The following MIB1 variants were observed in gnomAD, a reference collection of about 807,000 sequenced individuals.
MIB1 encodes MIB E3 ubiquitin protein ligase 1.
MIB1 carries 278 observed loss-of-function variants against 124.5 expected under a neutral mutation model. The ratio of observed to expected loss-of-function variants is 2.23; its 90% confidence interval spans 2.02 to 2.47. MIB1 has a LOEUF of 2.47. MIB1 is among the 30% of genes most tolerant of loss of function. The pLI, the probability that MIB1 is intolerant of heterozygous loss-of-function variation, is 0.00. For synonymous variants in MIB1, 446 were observed against 429.4 expected (o/e 1.04, Z -0.48); for missense variants, 957 against 1,254.4 (o/e 0.76, Z 3.58).
At chr18:21,840,496 A>C (rs1055932529) in intron 13 of MIB1, among the ~76,000 whole-genome samples, 1 of 151,950 alleles carries the variant, frequency 6.6e-6, no homozygotes, top group Non-Finnish European at 1.5e-5. Context: ...AAAAGCTTAA[A>C]CCATAAAGCC....
chr18:21,857,207 GGA>G lies in MIB1; in HGVS notation c.2745_2746del (p.Gly916GlufsTer8). The part of the protein sequence containing the change: ...ERRVPFIMCC[G>X]GKSSEDATDD... ...AAGAGTGCCTTTCATTATGTGCTGTGGAGGGAAAAGTTCAGAAGATGCCACTG... is the reference window on the plus strand; with the variant it reads ...AAGAGTGCCTTTCATTATGTGCTGTGGGGAAAAGTTCAGAAGATGCCACTG... On this transcript the variant is annotated frameshift_variant, in exon 19 of 21. Coordinates refer to ENST00000261537, the MANE Select transcript of MIB1 (RefSeq NM_020774.4). LOFTEE classifies it high-confidence loss of function. The G allele has an allele frequency of 6.2e-7, 1 of 1,613,922 alleles. No homozygotes were observed. Among genetic ancestry groups the G allele is most frequent in the South Asian group, 1.1e-5 (1 of 91,080 alleles).
At chr18:21,826,784 ATT>A (rs1418270667) in intron 12 of MIB1, 58 of 152,136 alleles carry the variant, frequency 3.8e-4, no homozygotes, top group Admixed American at 3.7e-3. Flanking sequence ...TACAGTTACT[ATT>A]TTAAACTGAG....
At chr18:21,705,740 C>T (rs113105238) in intron 1 of MIB1, among the ~76,000 whole-genome samples, 74 of 152,282 alleles carry the variant, frequency 4.9e-4, no homozygotes, top group Non-Finnish European at 7.4e-4. Context: ...ATTTATTTGG[C>T]TCCGATTTGG....
chr18:21,824,412 T>G (rs1018561365), intron 12 of MIB1, among the ~76,000 whole-genome samples: 1 of 152,180 alleles, frequency 6.6e-6, no homozygotes, highest in African/African-American at 2.4e-5. Context: ...TTTGAAGATT[T>G]GATAAGCTGT....
At chr18:21,772,296 G>A (rs1308523121) in intron 3 of MIB1, among the ~76,000 whole-genome samples, 4 of 152,196 alleles carry the variant, frequency 2.6e-5, no homozygotes, top group Non-Finnish European at 5.9e-5. Flanking sequence ...GTGATTGTAA[G>A]TATCAAGATG....
upstream of MIB1, among the ~76,000 whole-genome samples, chr18:21,738,790 A>AG (rs2040806967): frequency 1.0e-5 from 1 of 100,182 alleles, no homozygotes; most frequent in Non-Finnish European, 1.9e-5. Flanking sequence ...CTGGGCCACA[A>AG]AGTGAGACTC....
intron 1 of MIB1, among the ~76,000 whole-genome samples, chr18:21,714,411 C>T (rs1255757277): frequency 1.3e-5 from 2 of 152,168 alleles, no homozygotes; most frequent in Non-Finnish European, 2.9e-5. Context: ...GGTGGATCCA[C>T]AGACCTCTAC....
intron 8 of MIB1, among the ~76,000 whole-genome samples, chr18:21,799,257 G>A (rs1404053645): frequency 2.0e-5 from 3 of 151,974 alleles, no homozygotes; most frequent in Non-Finnish European, 4.4e-5. Context: ...TTATGAAAGG[G>A]TTTAGGTATA....
chr18:21,718,233 CA>C (rs1173795878), intron 1 of MIB1, among the ~76,000 whole-genome samples: 4 of 151,664 alleles, frequency 2.6e-5, no homozygotes, highest in Admixed American at 2.0e-4. Context: ...TTTAGGGACT[CA>C]GGGGGAAAGG....
chr18:21,712,497 A>G (rs2040670137), intron 1 of MIB1, among the ~76,000 whole-genome samples: 1 of 152,248 alleles, frequency 6.6e-6, no homozygotes, highest in Admixed American at 6.5e-5. Context: ...GGAAGCAGCC[A>G]TGTGAACTGC....
chr18:21,806,673 T>C (rs1384423897), intron 10 of MIB1, among the ~76,000 whole-genome samples: 1 of 150,034 alleles, frequency 6.7e-6, no homozygotes, highest in African/African-American at 2.5e-5. Context: ...CAGGCTGGAG[T>C]GTAGTAGTAG....
intron 13 of MIB1, among the ~76,000 whole-genome samples, chr18:21,842,091 C>CAAAAAAAAAAAAA (rs376834305): frequency 4.5e-4 from 16 of 35,680 alleles, no homozygotes; most frequent in African/African-American, 7.0e-4. Context: ...GACCCTATCT[C>CAAAAAAAAAAAAA]AAAAAAAAAA....
At chr18:21,768,799 T>C (rs771124761) in intron 3 of MIB1, 47 bp downstream of exon 3, 18 of 1,487,762 alleles carry the variant, frequency 1.2e-5, no homozygotes, top group Non-Finnish European at 1.5e-5. Context: ...GTATTATATG[T>C]TCAGAACCTT....
chr18:21,830,540 A>G (rs1437220996), intron 12 of MIB1: 2 of 152,194 alleles, frequency 1.3e-5, no homozygotes, highest in Non-Finnish European at 2.9e-5. Context: ...CAATGAGAAC[A>G]TATATTGAGT....
chr18:21,706,625 C>T (rs932550287), intron 1 of MIB1, among the ~76,000 whole-genome samples: 1 of 152,174 alleles, frequency 6.6e-6, no homozygotes. Flanking sequence ...CCGGCTGGCA[C>T]CGCCGGCCCT....
intron 1 of MIB1, among the ~76,000 whole-genome samples, chr18:21,721,267 G>A (rs1270926455): frequency 3.2e-5 from 4 of 124,962 alleles, no homozygotes; most frequent in Non-Finnish European, 6.3e-5. Context: ...TGCAATATCC[G>A]CCTCCCAGAT....
chr18:21,773,092 C>G (rs942967591), intron 3 of MIB1, among the ~76,000 whole-genome samples: 1 of 151,986 alleles, frequency 6.6e-6, no homozygotes, highest in African/African-American at 2.4e-5. Context: ...ATGGTGAAAC[C>G]CCATCTCTAC....
At chr18:21,727,592 A>C (rs2146362378) in intron 1 of MIB1, among the ~76,000 whole-genome samples, 1 of 152,274 alleles carries the variant, frequency 6.6e-6, no homozygotes, top group South Asian at 2.1e-4. Flanking sequence ...AAAAACAAAC[A>C]AACAAACAAA....
chr18:21,787,550 A>T (rs997846365), intron 6 of MIB1, among the ~76,000 whole-genome samples: 1 of 151,986 alleles, frequency 6.6e-6, no homozygotes, highest in African/African-American at 2.4e-5. Flanking sequence ...CTCTGCCTTG[A>T]TCTCACTTTT....
Sources: gnomAD v4.1 joint callset for allele counts (sites outside exome capture counted in the v4.1 genomes callset) on GRCh38, gnomAD v4.1.1 for gene constraint, MANE v1.5 for transcripts, NCBI Gene and HGNC (gene_info 2026-07-23, HGNC 2026-07-21) for gene names.